The following EBF3 variants were observed in gnomAD, a reference collection of about 807,000 sequenced individuals.
EBF3 encodes EBF transcription factor 3.
In EBF3, 18 loss-of-function variants were observed where a neutral mutation model predicts 77.1. The ratio of observed to expected loss-of-function variants is 0.23; its 90% confidence interval spans 0.16 to 0.35. The LOEUF (loss-of-function observed/expected upper bound fraction) is 0.35, where lower values mean the gene tolerates loss of function less well. Among genes scored for constraint, EBF3 ranks in the 10% least tolerant of loss-of-function variants. The probability of loss-of-function intolerance (pLI) is 1.00; values close to 1 mark genes in which losing one functional copy is unlikely to be tolerated. For synonymous variants in EBF3, 350 were observed against 343.5 expected (o/e 1.02, Z -0.21); for missense variants, 558 against 860.0 (o/e 0.65, Z 4.39).
intron 10 of EBF3, among the ~76,000 whole-genome samples, chr10:129,866,142 G>T (rs375282942): frequency 1.1e-4 from 16 of 152,310 alleles, no homozygotes; most frequent in South Asian, 8.3e-4. Flanking sequence ...TTTGTTTTGA[G>T]ATAGGGTCTT....
At position 129,947,021 on chromosome 10, in the gene EBF3, C is replaced by T. The variant is rs1169248518; in HGVS notation, c.554+10237G>A. ...GATGGCGGCTGCCCAGTGGCTGGAT[C>T]GGGCCGATGACCTCGGACAGTGGGG... is the stretch of plus-strand genomic sequence containing the variant. On this transcript the variant is annotated intron_variant, in intron 6 of 16. Transcript: ENST00000440978. The surrounding 1 kb of genome is among the most constrained non-coding windows in gnomAD (Gnocchi z 4.5). Among the ~76,000 whole-genome samples the T allele has an allele frequency of 5.3e-5, 8 of 152,166 alleles. No homozygotes were observed. Among genetic ancestry groups the T allele is most frequent in the Non-Finnish European group, 1.2e-4 (8 of 68,036 alleles).
intron 10 of EBF3, among the ~76,000 whole-genome samples, chr10:129,859,880 G>A (rs1851500878): frequency 6.6e-6 from 1 of 152,166 alleles, no homozygotes; most frequent in Non-Finnish European, 1.5e-5. Flanking sequence ...GGCAGTGTTT[G>A]GTTCTTGTTC....
chr10:129,917,427 T>A (rs1294381319), intron 6 of EBF3, among the ~76,000 whole-genome samples: 1 of 152,112 alleles, frequency 6.6e-6, no homozygotes, highest in South Asian at 2.1e-4. Flanking sequence ...CCTCGGCATT[T>A]AATTATTACA....
chr10:129,885,481 T>C lies in EBF3; in HGVS notation c.555-7632A>G, dbSNP rs1461118123. 6.6e-6 allele frequency among the ~76,000 whole-genome samples: 1 copy of C among 152,238 alleles called. No homozygotes were observed. Among genetic ancestry groups the C allele is most frequent in the Admixed American group, 6.5e-5 (1 of 15,278 alleles). ...TCCGGATATTTCATGATAGTTTTGA[T>C]AAGGTTATCTGTTTCAAAGAAGTCA... is the stretch of plus-strand genomic sequence containing the variant. On this transcript the variant is annotated intron_variant, in intron 6 of 16. Coordinates refer to ENST00000440978, the MANE Select transcript of EBF3 (RefSeq NM_001375380.1). This position sits in a 1 kb window ranked among gnomAD's most constrained non-coding sequence, Gnocchi z 4.0.
intron 9 of EBF3, among the ~76,000 whole-genome samples, chr10:129,867,487 T>C (rs531288005): frequency 8.5e-5 from 13 of 152,224 alleles, no homozygotes; most frequent in Non-Finnish European, 1.9e-4. Flanking sequence ...CCACAGGGCA[T>C]CATTCATATG....
chr10:129,856,732 G>A (rs1201247462), intron 10 of EBF3, among the ~76,000 whole-genome samples: 2 of 152,228 alleles, frequency 1.3e-5, no homozygotes, highest in Non-Finnish European at 2.9e-5. Flanking sequence ...TCCTTTTCGT[G>A]TGAAGAAAAC....
intron 10 of EBF3, among the ~76,000 whole-genome samples, chr10:129,853,144 A>G (rs369165980): frequency 6.6e-6 from 1 of 152,212 alleles, no homozygotes; most frequent in Non-Finnish European, 1.5e-5. Context: ...TCCTAGAGTA[A>G]TTGCTCTTCC....
intron 6 of EBF3, among the ~76,000 whole-genome samples, chr10:129,893,798 A>G (rs1301451644): frequency 6.6e-6 from 1 of 152,224 alleles, no homozygotes; most frequent in African/African-American, 2.4e-5. Flanking sequence ...TTCATTGATC[A>G]GTCTGACTCG....
intron 6 of EBF3, among the ~76,000 whole-genome samples, chr10:129,909,876 C>T (rs550716236): frequency 1.7e-4 from 26 of 152,366 alleles, no homozygotes; most frequent in African/African-American, 6.3e-4. Context: ...GAAACAATTA[C>T]TCCTGGAAGG....
chr10:129,963,212 C>T lies in EBF3; in HGVS notation c.291+155G>A, dbSNP rs1859663942. ...CGAGGGCGCAGAGAAGTTGCCCAGCCCTCGGCGGTCCCGGGCGGCCGCACG... is the reference window on the plus strand; with the variant it reads ...CGAGGGCGCAGAGAAGTTGCCCAGCTCTCGGCGGTCCCGGGCGGCCGCACG... On this transcript the variant is annotated intron_variant, in intron 2 of 16. Transcript: ENST00000440978. The surrounding 1 kb of genome is among the most constrained non-coding windows in gnomAD (Gnocchi z 7.1). The T allele has an allele frequency of 8.2e-7, 1 of 1,216,874 alleles. No individual in the cohort carries two copies. The highest frequency in any genetic ancestry group is 1.7e-5 in the South Asian group (1 of 57,168). The allele number at this position is 1,216,874 out of a possible 1,614,324, so 75.4% of individuals were successfully genotyped here. A position where few individuals can be genotyped will look rare whatever the true frequency, so the allele number is the denominator to read the frequency against.
chr10:129,931,486 C>T (rs1382551423), intron 6 of EBF3, among the ~76,000 whole-genome samples: 2 of 152,218 alleles, frequency 1.3e-5, no homozygotes, highest in Non-Finnish European at 2.9e-5. Context: ...GATGAATGCA[C>T]TCAGGTCATC....
At chr10:129,868,765 T>C (rs1488572347) in intron 8 of EBF3, among the ~76,000 whole-genome samples, 1 of 152,256 alleles carries the variant, frequency 6.6e-6, no homozygotes, top group Non-Finnish European at 1.5e-5. Flanking sequence ...GCTGCAGGCC[T>C]GGTGGAGGCC....
At chr10:129,850,990 GCGCTGGCACGTCCAGTCACAGAGCC>G in intron 10 of EBF3, among the ~76,000 whole-genome samples, 1 of 152,324 alleles carries the variant, frequency 6.6e-6, no homozygotes, top group Non-Finnish European at 1.5e-5. Context: ...CCAGGGCAAG[GCGCTGGCACGTCCAGTCACAGAGCC>G]CCGAGCCAGG....
chr10:129,867,206 T>G lies in EBF3; in HGVS notation c.974A>C (p.Glu325Ala). Reference sequence around the variant, plus strand: ...CTTGGATTTGTAGGAGAGGGTCACTTCGACGACGCCAGGAATGTGCCTCGG... The same window carrying G: ...CTTGGATTTGTAGGAGAGGGTCACTGCGACGACGCCAGGAATGTGCCTCGG... ...TPPRHIPGVV[E>A]VTLSYKSKQF... The change falls in exon 10 of 17, where the codon GAA becomes GCA. Residue 325 changes from glutamate (E) to alanine (A), a missense_variant. Glu to Ala is a moderately radical substitution (Grantham distance 107). Coordinates refer to ENST00000440978, the MANE Select transcript of EBF3 (RefSeq NM_001375380.1). The G allele has an allele frequency of 6.2e-7, 1 of 1,614,126 alleles. No individual in the cohort carries two copies. Among genetic ancestry groups the G allele is most frequent in the Non-Finnish European group, 8.5e-7 (1 of 1,180,038 alleles).
chr10:129,838,870 T>C (rs1022213484), intron 16 of EBF3, among the ~76,000 whole-genome samples: 7 of 152,366 alleles, frequency 4.6e-5, no homozygotes, highest in African/African-American at 1.7e-4. Context: ...TTGGAAGCCC[T>C]GTGCGTACAC....
At chr10:129,860,176 C>A (rs1222911516) in intron 10 of EBF3, among the ~76,000 whole-genome samples, 2 of 152,130 alleles carry the variant, frequency 1.3e-5, no homozygotes, top group Admixed American at 6.5e-5. Context: ...CCACTCCAAG[C>A]TGTTTTCAGA....
chr10:129,949,490 A>G (rs1858496597), intron 6 of EBF3, among the ~76,000 whole-genome samples: 2 of 152,298 alleles, frequency 1.3e-5, no homozygotes, highest in South Asian at 4.1e-4. Context: ...CCCTGTTCCA[A>G]GTGATGGGAC....
rs1357807724 is a variant in EBF3 at position 129,938,279 on chromosome 10, T to C, written c.554+18979A>G. On this transcript the variant is annotated intron_variant, in intron 6 of 16. Transcript: ENST00000440978. The surrounding 1 kb of genome is among the most constrained non-coding windows in gnomAD (Gnocchi z 5.1). ...GCGGGGCCGGGTGCAATGGCTCTCA[T>C]CTATAGTCCCAGCACTTTGGAAGGC... Among the ~76,000 whole-genome samples the C allele has an allele frequency of 1.3e-5, 2 of 151,024 alleles. No individual in the cohort carries two copies. The highest frequency in any genetic ancestry group is 4.9e-5 in the African/African-American group (2 of 41,006).
chr10:129,930,857 T>C (rs1220357315), intron 6 of EBF3, among the ~76,000 whole-genome samples: 1 of 149,986 alleles, frequency 6.7e-6, no homozygotes, highest in Non-Finnish European at 1.5e-5. Flanking sequence ...TATCTATCTC[T>C]ATATTAACAA....
Sources: allele counts gnomAD v4.1 joint callset (sites outside exome capture counted in the v4.1 genomes callset), GRCh38; gene constraint gnomAD v4.1.1; non-coding constraint Gnocchi (gnomAD v3.1); transcripts MANE v1.5; gene names NCBI Gene and HGNC (gene_info 2026-07-23, HGNC 2026-07-21).